Variants in CNTNAP2 observed in about 807,000 individuals in gnomAD.
CNTNAP2 encodes contactin-associated protein-like 2.
Under a neutral mutation model 155.2 loss-of-function variants are expected in CNTNAP2, and 98 were observed. That is an observed-to-expected ratio of 0.63 (90% CI 0.54 to 0.75). The LOEUF is 0.75. Ranked by LOEUF, CNTNAP2 falls within the 30% of genes least tolerant of loss-of-function variation. The probability of loss-of-function intolerance (pLI) is 0.00; values close to 1 mark genes in which losing one functional copy is unlikely to be tolerated. For synonymous variants in CNTNAP2, 651 were observed against 631.2 expected, an observed-to-expected ratio of 1.03 and a Z score of -0.47; for missense variants, 1,727 against 1,688.1, an observed-to-expected ratio of 1.02 and a Z score of -0.40.
chr7:147,368,874 T>C (rs563085661), intron 9 of CNTNAP2, among the ~76,000 whole-genome samples: 67 of 152,352 alleles, frequency 4.4e-4, no homozygotes, highest in Non-Finnish European at 8.7e-4. Context: ...ATGTATAAGA[T>C]GCCAACATGA....
At chr7:147,631,805 T>C (rs1485184684) in intron 12 of CNTNAP2, among the ~76,000 whole-genome samples, 1 of 152,178 alleles carries the variant, frequency 6.6e-6, no homozygotes, top group Non-Finnish European at 1.5e-5. Context: ...TGCATCCTCA[T>C]CGCTTAACTT....
At chr7:147,260,090 A>G (rs548653927) in intron 8 of CNTNAP2, among the ~76,000 whole-genome samples, 14 of 152,302 alleles carry the variant, frequency 9.2e-5, no homozygotes, top group African/African-American at 2.6e-4. Context: ...TTCCGCGGAA[A>G]CTATGGAAGA....
intron 3 of CNTNAP2, among the ~76,000 whole-genome samples, chr7:146,976,928 A>G (rs1317443934): frequency 6.6e-6 from 1 of 152,132 alleles, no homozygotes; most frequent in Non-Finnish European, 1.5e-5. Context: ...AGACAAGCAG[A>G]TCAGAGAATT....
At chr7:147,189,980 G>A (rs903867880) in intron 8 of CNTNAP2, among the ~76,000 whole-genome samples, 2 of 152,164 alleles carry the variant, frequency 1.3e-5, no homozygotes, top group South Asian at 2.1e-4. Flanking sequence ...TCTTGACCTC[G>A]TGATCCACCC....
chr7:146,492,758 A>G (rs1370570437), intron 1 of CNTNAP2, among the ~76,000 whole-genome samples: 1 of 152,232 alleles, frequency 6.6e-6, no homozygotes, highest in East Asian at 1.9e-4. Context: ...ATATGCATAT[A>G]CAGTAAAGTG....
chr7:146,215,498 T>C (rs998342268), intron 1 of CNTNAP2, among the ~76,000 whole-genome samples: 1 of 152,106 alleles, frequency 6.6e-6, no homozygotes, highest in African/African-American at 2.4e-5. Context: ...CATCACTAGA[T>C]AAGTGATTCT....
intron 4 of CNTNAP2, among the ~76,000 whole-genome samples, chr7:147,102,883 T>C (rs1369600757): frequency 6.6e-6 from 1 of 152,180 alleles, no homozygotes; most frequent in Non-Finnish European, 1.5e-5. Context: ...GTTCTAGGAC[T>C]GAGTCAATTT....
chr7:146,882,999 A>G (rs1304774817), intron 3 of CNTNAP2, among the ~76,000 whole-genome samples: 2 of 152,206 alleles, frequency 1.3e-5, no homozygotes, highest in Non-Finnish European at 2.9e-5. Flanking sequence ...TGCCCAAAGC[A>G]ATTTACAGAT....
At chr7:147,386,630 T>A (rs1796630491) in intron 9 of CNTNAP2, among the ~76,000 whole-genome samples, 1 of 152,162 alleles carries the variant, frequency 6.6e-6, no homozygotes, top group Non-Finnish European at 1.5e-5. Flanking sequence ...CAGCCTGGAT[T>A]TCATTGTCCA....
chr7:147,974,579 C>T lies in CNTNAP2; in HGVS notation c.2256-3283C>T, dbSNP rs371012720. Among the ~76,000 whole-genome samples, 717 of 152,154 alleles carry T rather than the reference C, an allele frequency of 4.7e-3. 8 individuals are homozygous for T. Among genetic ancestry groups the T allele is most frequent in the African/African-American group, 0.017 (698 of 41,522 alleles). On this transcript the variant is annotated intron_variant, in intron 14 of 23. Transcript: ENST00000361727. ...GGTGGAGGTTGCAGTGAGTCGAGATCGTGCCATTGCACTCCAGCCTGGGCA... is the reference window on the plus strand; with the variant it reads ...GGTGGAGGTTGCAGTGAGTCGAGATTGTGCCATTGCACTCCAGCCTGGGCA...
At chr7:147,545,546 C>T (rs969438159) in intron 11 of CNTNAP2, among the ~76,000 whole-genome samples, 5 of 152,120 alleles carry the variant, frequency 3.3e-5, no homozygotes, top group Admixed American at 1.3e-4. Context: ...GAGATAGGCT[C>T]TTCTGAATAA....
intron 12 of CNTNAP2, among the ~76,000 whole-genome samples, chr7:147,619,713 G>C (rs1324356814): frequency 6.6e-6 from 1 of 152,184 alleles, no homozygotes; most frequent in Non-Finnish European, 1.5e-5. Context: ...CTGATTGCTG[G>C]AGGATGGCAA....
chr7:147,866,834 A>G (rs1465714069), intron 13 of CNTNAP2, among the ~76,000 whole-genome samples: 1 of 151,376 alleles, frequency 6.6e-6, no homozygotes, highest in Non-Finnish European at 1.5e-5. Context: ...TTTTGAGCCT[A>G]TGTACGTCTT....
chr7:147,365,356 C>G (rs1398482424), intron 9 of CNTNAP2, among the ~76,000 whole-genome samples: 1 of 119,008 alleles, frequency 8.4e-6, no homozygotes, highest in Admixed American at 1.2e-4. Context: ...GCCTGGGCAG[C>G]AGAGGAGAGA....
At chr7:146,288,889 C>G (rs985523040) in intron 1 of CNTNAP2, among the ~76,000 whole-genome samples, 1 of 142,976 alleles carries the variant, frequency 7.0e-6, no homozygotes, top group African/African-American at 2.6e-5. Context: ...ACTGCAACCT[C>G]TGCCTCCCAG....
chr7:147,696,269 A>G (rs1796159775), intron 13 of CNTNAP2, among the ~76,000 whole-genome samples: 1 of 151,980 alleles, frequency 6.6e-6, no homozygotes, highest in South Asian at 2.1e-4. Flanking sequence ...TTCATCTTTC[A>G]CACATTTGCT....
intron 3 of CNTNAP2, among the ~76,000 whole-genome samples, chr7:147,029,052 C>T (rs1798976884): frequency 6.6e-6 from 1 of 150,896 alleles, no homozygotes; most frequent in Admixed American, 6.6e-5. Flanking sequence ...CAAGCTCCGC[C>T]TCTCGGGTTC....
chr7:146,530,166 T>A (rs1020732574), intron 1 of CNTNAP2, among the ~76,000 whole-genome samples: 1 of 152,156 alleles, frequency 6.6e-6, no homozygotes, highest in South Asian at 2.1e-4. Flanking sequence ...CTGGGATAAC[T>A]GGCTAGCCAT....
intron 1 of CNTNAP2, among the ~76,000 whole-genome samples, chr7:146,533,100 C>G (rs1239888201): frequency 1.9e-5 from 2 of 103,290 alleles, no homozygotes; most frequent in African/African-American, 4.9e-5. Context: ...AGAGGGAGAC[C>G]CTGTCTCAAA....
Sources: gnomAD v4.1 joint callset for allele counts (sites outside exome capture counted in the v4.1 genomes callset) on GRCh38, gnomAD v4.1.1 for gene constraint, MANE v1.5 for transcripts, NCBI Gene and HGNC (gene_info 2026-07-23, HGNC 2026-07-21) for gene names.